Variants in PIGX observed in about 807,000 individuals in gnomAD.
PIGX encodes the protein GPI alpha-1,4-mannosyltransferase I, stabilizing subunit.
In PIGX, 24 loss-of-function variants were observed where a neutral mutation model predicts 28.7. That is an observed-to-expected ratio of 0.84 (90% CI 0.60 to 1.17). The LOEUF (loss-of-function observed/expected upper bound fraction) is 1.17, where lower values mean the gene tolerates loss of function less well. Ranked by LOEUF, PIGX falls within the 50% of genes most tolerant of loss-of-function variation. PIGX has a pLI of 0.00. For missense variants in PIGX, 305 were observed against 317.8 expected, an observed-to-expected ratio of 0.96 and a Z score of 0.31; for synonymous variants, 127 against 121.0, an observed-to-expected ratio of 1.05 and a Z score of -0.33.
rs1486693574 is a variant in PIGX at position 196,717,303 on chromosome 3, A to AAAAAAAAAAAAAAAAAAG, written c.176+386_176+387insAAAAAAAAAAAAAGAAAA. Among the ~76,000 whole-genome samples the AAAAAAAAAAAAAAAAAAG allele has an allele frequency of 1.3e-3, 202 of 151,752 alleles. 2 individuals carry two copies. Among genetic ancestry groups the AAAAAAAAAAAAAAAAAAG allele is most frequent in the African/African-American group, 4.3e-3 (177 of 41,248 alleles). On this transcript the variant is annotated intron_variant, in intron 2 of 5. Coordinates refer to ENST00000392391, the MANE Select transcript of PIGX (RefSeq NM_017861.4). ...GCAACAGAGTGAGACTCTGTCTCAA[A>AAAAAAAAAAAAAAAAAAG]AAAAGAAAAAAGAAAAATCACTTGC...
chr3:196,715,968 A>G (rs1039617163), intron 1 of PIGX, among the ~76,000 whole-genome samples: 10 of 152,040 alleles, frequency 6.6e-5, no homozygotes, highest in Admixed American at 5.9e-4. Context: ...GCTGGTCAAT[A>G]GTAACTGAAT....
chr3:196,713,309 A>T (rs562815318), intron 1 of PIGX, among the ~76,000 whole-genome samples: 97 of 150,050 alleles, frequency 6.5e-4, no homozygotes, highest in African/African-American at 2.3e-3. Flanking sequence ...GGCCAAGAAG[A>T]TTTTTTTTTT....
At chr3:196,715,358 C>T (rs1322984146) in intron 1 of PIGX, among the ~76,000 whole-genome samples, 5 of 152,126 alleles carry the variant, frequency 3.3e-5, no homozygotes, top group African/African-American at 7.2e-5. Flanking sequence ...TAATCGGTCA[C>T]GTAGTTAGTT....
chr3:196,722,440 G>C lies in PIGX; in HGVS notation c.202G>C (p.Gly68Arg). ...AGACCTTTTAATCAAAGTGAAGTTT[G>C]GGGAAAGCATTGAGGACTTGCACAC... Residue 68 changes from glycine (G) to arginine (R), a missense_variant, in exon 3 of 6, where the codon GGG (glycine) becomes CGG (arginine). Gly to Arg is a moderately radical substitution (Grantham distance 125). Transcript: ENST00000392391. 1 of 1,611,978 alleles carries C rather than the reference G, an allele frequency of 6.2e-7. No homozygotes were observed. The highest frequency in any genetic ancestry group is 8.5e-7 in the Non-Finnish European group (1 of 1,178,422).
intron 4 of PIGX, 105 bp downstream of exon 4, chr3:196,728,241 A>AGGT: frequency 1.3e-6 from 1 of 784,082 alleles, no homozygotes; most frequent in Non-Finnish European, 2.2e-6. Flanking sequence ...GTCTTGACCT[A>AGGT]GGTGGTAGTT....
chr3:196,732,216 TTATATATATATATATATATATATATATA>T (rs1175656364), intron 5 of PIGX, among the ~76,000 whole-genome samples: 3 of 51,348 alleles, frequency 5.8e-5, no homozygotes, highest in African/African-American at 9.1e-5. Context: ...TATATATTAT[TTATATATATATATATATATATATATATA>T]TATATATATA....
Position 196,712,655 on chromosome 3 carries a change from C to T in PIGX, c.112+11C>T. 8.4e-7 allele frequency: 1 copy of T among 1,185,470 alleles called. No homozygotes were observed. Among genetic ancestry groups the T allele is most frequent in the Non-Finnish European group, 1.0e-6 (1 of 957,954 alleles). The allele number at this position is 1,185,470 out of a possible 1,614,324, so 73.4% of individuals were successfully genotyped here. A position where few individuals can be genotyped will look rare whatever the true frequency, so the allele number is the denominator to read the frequency against. On this transcript the variant is annotated intron_variant, in intron 1 of 5. Coordinates refer to ENST00000392391, the MANE Select transcript of PIGX (RefSeq NM_017861.4). ...CGCGCTCTGACGCCGGTAAGGGGGG[C>T]GGGGCTTGGGGGGCCAGAGCGTGGG...
chr3:196,718,235 G>C (rs937534629), intron 2 of PIGX, among the ~76,000 whole-genome samples: 1 of 152,132 alleles, frequency 6.6e-6, no homozygotes, highest in South Asian at 2.1e-4. Context: ...GCTTGAACCC[G>C]GGAGGCAGAG....
chr3:196,726,625 C>A (rs1199305686), intron 3 of PIGX: 1 of 454,986 alleles, frequency 2.2e-6, no homozygotes, highest in Non-Finnish European at 4.4e-6. Context: ...CATGAGAACC[C>A]AGGAGAACTG....
chr3:196,732,279 T>TTA (rs1553797150), intron 5 of PIGX, among the ~76,000 whole-genome samples: 12,182 of 60,228 alleles, frequency 0.2, 1,722 homozygotes, highest in Non-Finnish European at 0.25. Context: ...TTATTTTTTT[T>TTA]TTTATTTTAT....
chr3:196,728,575 C>G, intron 4 of PIGX: 1 of 685,934 alleles, frequency 1.5e-6, no homozygotes, highest in Non-Finnish European at 2.6e-6. Context: ...TCTCTCTATC[C>G]CTTTCCTTTC....
chr3:196,732,445 A>C (rs111349198), intron 5 of PIGX, among the ~76,000 whole-genome samples: 2,403 of 148,516 alleles, frequency 0.016, 56 homozygotes, highest in African/African-American at 0.056. Context: ...CCATGCCTGG[A>C]TAATTTTTGT....
At chr3:196,714,762 T>C (rs191750685) in intron 1 of PIGX, among the ~76,000 whole-genome samples, 3 of 152,224 alleles carry the variant, frequency 2.0e-5, no homozygotes, top group Admixed American at 2.0e-4. Context: ...ACCCAGGCTA[T>C]TTGTTCTTTT....
chr3:196,717,009 T>G, intron 2 of PIGX, 88 bp downstream of exon 2: 1 of 829,256 alleles, frequency 1.2e-6, no homozygotes, highest in East Asian at 2.8e-5. Context: ...TTGTATAAAT[T>G]GAAAAATCAG....
chr3:196,713,944 A>C (rs1425037222), intron 1 of PIGX, among the ~76,000 whole-genome samples: 1 of 152,138 alleles, frequency 6.6e-6, no homozygotes, highest in Non-Finnish European at 1.5e-5. Flanking sequence ...CATTCAACAA[A>C]TTCGTTTTAA....
intron 1 of PIGX, chr3:196,712,919 C>T (rs1165108396): frequency 7.8e-6 from 8 of 1,029,786 alleles, no homozygotes; most frequent in African/African-American, 1.7e-5. Flanking sequence ...GAAAGTCAGC[C>T]GTCAAGCGTC....
At chr3:196,725,328 A>G (rs976146599) in intron 3 of PIGX, among the ~76,000 whole-genome samples, 1 of 152,228 alleles carries the variant, frequency 6.6e-6, no homozygotes, top group Admixed American at 6.5e-5. Flanking sequence ...AATAGACAAA[A>G]TATATGAAAT....
Position 196,712,495 on chromosome 3 carries a change from C to T in PIGX, c.-38C>T, listed in dbSNP as rs1400105882. 3.9e-6 allele frequency: 4 copies of T among 1,021,270 alleles called. No homozygotes were observed. The highest frequency in any genetic ancestry group is 1.7e-5 in the African/African-American group (1 of 59,024). The allele number at this position is 1,021,270 out of a possible 1,614,324, so 63.3% of individuals were successfully genotyped here. On this transcript the variant is annotated 5_prime_UTR_variant, in exon 1 of 6. Transcript: ENST00000392391. ...GGCCCCTTCCTGCGTCCGCACCTGGCCCCGCGCGCCCCTCTCGGGCGTCCG... is the reference window on the plus strand; with the variant it reads ...GGCCCCTTCCTGCGTCCGCACCTGGTCCCGCGCGCCCCTCTCGGGCGTCCG...
Position 196,733,762 on chromosome 3 carries a change from T to C in PIGX, c.637T>C (p.Tyr213His), listed in dbSNP as rs1712911866. 1.9e-6 allele frequency: 3 copies of C among 1,592,474 alleles called. No individual in the cohort carries two copies. Among genetic ancestry groups the C allele is most frequent in the South Asian group, 1.1e-5 (1 of 90,604 alleles). The change falls in exon 6 of 6, where the codon TAT becomes CAT. Residue 213 changes from tyrosine (Y) to histidine (H), a missense_variant. Tyr to His is a moderately conservative substitution (Grantham distance 83, BLOSUM62 2). Transcript: ENST00000392391. The surrounding 1 kb of genome is among the most constrained non-coding windows in gnomAD (Gnocchi z 4.3). ...ACTTCTCTCTCTCTCTCCATAGGTA[T>C]ATAAGAATGTGATTCTACAAGTTCC...
Sources: allele counts gnomAD v4.1 joint callset (sites outside exome capture counted in the v4.1 genomes callset), GRCh38; gene constraint gnomAD v4.1.1; non-coding constraint Gnocchi (gnomAD v3.1); transcripts MANE v1.5; gene names NCBI Gene and HGNC (gene_info 2026-07-23, HGNC 2026-07-21).